The following PELI2 variants were observed in gnomAD, a reference collection of about 807,000 sequenced individuals.
PELI2 encodes the protein E3 ubiquitin-protein ligase pellino homolog 2.
PELI2 carries 23 observed loss-of-function variants against 42.3 expected under a neutral mutation model. That is an observed-to-expected ratio of 0.54 (90% confidence interval 0.39 to 0.77). PELI2 has a LOEUF of 0.77. Among genes scored for constraint, PELI2 ranks in the 30% least tolerant of loss-of-function variants. PELI2 has a pLI of 0.00. For missense variants in PELI2, 463 were observed against 553.2 expected, an observed-to-expected ratio of 0.84 and a Z score of 1.64; for synonymous variants, 245 against 212.2, an observed-to-expected ratio of 1.15 and a Z score of -1.34.
intron 2 of PELI2, among the ~76,000 whole-genome samples, chr14:56,248,564 A>C (rs1019848291): frequency 6.6e-6 from 1 of 152,026 alleles, no homozygotes; most frequent in Admixed American, 6.6e-5. Flanking sequence ...ACAGGAGAAC[A>C]TGGAGGGTTG....
At chr14:56,246,693 T>C (rs1376816409) in intron 2 of PELI2, among the ~76,000 whole-genome samples, 4 of 152,188 alleles carry the variant, frequency 2.6e-5, no homozygotes, top group Admixed American at 6.5e-5. Context: ...ACTTTGCAAA[T>C]AGTTTTGATT....
rs915166107 is a variant in PELI2, at chr14:56,299,954, C to T, written c.*2788C>T. ...TACAACTCTGAGTATTTTTCTAGTCCGGAATTTTTTATTAATAATCGGTGC... is the reference window on the plus strand; with the variant it reads ...TACAACTCTGAGTATTTTTCTAGTCTGGAATTTTTTATTAATAATCGGTGC... On this transcript the variant is annotated 3_prime_UTR_variant, in exon 6 of 6. Transcript: ENST00000267460. 5.2e-5 allele frequency: 8 copies of T among 152,416 alleles called. No homozygotes were observed. Among genetic ancestry groups the T allele is most frequent in the East Asian group, 3.9e-4 (2 of 5,182 alleles). The allele number at this position is 152,416 out of a possible 1,614,324, so 9.4% of individuals were successfully genotyped here.
At chr14:56,122,611 T>A (rs1566592199) in intron 1 of PELI2, among the ~76,000 whole-genome samples, 1 of 150,342 alleles carries the variant, frequency 6.7e-6, no homozygotes, top group East Asian at 2.0e-4. Flanking sequence ...TTTTTTTTTC[T>A]TTTGATGCTT....
intron 2 of PELI2, 65 bp downstream of exon 2, chr14:56,178,529 C>T (rs559725694): frequency 4.4e-5 from 68 of 1,545,662 alleles, no homozygotes; most frequent in Middle Eastern, 1.9e-4. Flanking sequence ...ACTCCTTGTC[C>T]GCTGCTCTCT....
chr14:56,135,036 T>A (rs926432103), intron 1 of PELI2, among the ~76,000 whole-genome samples: 1 of 152,208 alleles, frequency 6.6e-6, no homozygotes, highest in African/African-American at 2.4e-5. Flanking sequence ...GTAATATTTT[T>A]AAAAATTACG....
chr14:56,255,749 C>T (rs1282765761), intron 2 of PELI2, among the ~76,000 whole-genome samples: 1 of 152,146 alleles, frequency 6.6e-6, no homozygotes, highest in Non-Finnish European at 1.5e-5. Context: ...TCAGGTGTGT[C>T]ATTTACATAA....
rs116422266 is a variant in PELI2, at chr14:56,151,711, A to G, written c.78-26624A>G. ...AGTTATTATATGTAAAGTGCTTAGA[A>G]CAGTATCAAGTAAGCATTTAGTAAG... is the stretch of plus-strand genomic sequence containing the variant. On this transcript the variant is annotated intron_variant, in intron 1 of 5. Transcript: ENST00000267460. 3.1e-3 allele frequency among the ~76,000 whole-genome samples: 472 copies of G among 152,358 alleles called. 1 individual carries two copies. The highest frequency in any genetic ancestry group is 0.011 in the African/African-American group (447 of 41,580).
At chr14:56,148,332 C>A (rs1884210224) in intron 1 of PELI2, among the ~76,000 whole-genome samples, 1 of 152,106 alleles carries the variant, frequency 6.6e-6, no homozygotes, top group Admixed American at 6.6e-5. Flanking sequence ...AGATGTGACC[C>A]TGTTAAGATT....
chr14:56,183,420 A>C (rs773274846), intron 2 of PELI2, among the ~76,000 whole-genome samples: 31 of 152,158 alleles, frequency 2.0e-4, no homozygotes, highest in Non-Finnish European at 3.7e-4. Context: ...TTTATCTGAG[A>C]GTTTTGACAA....
intron 2 of PELI2, among the ~76,000 whole-genome samples, chr14:56,236,863 T>C (rs567236806): frequency 6.6e-6 from 1 of 152,196 alleles, no homozygotes; most frequent in African/African-American, 2.4e-5. Context: ...GATCTCTCCC[T>C]GTTCTATTTG....
intron 2 of PELI2, among the ~76,000 whole-genome samples, chr14:56,184,198 C>G (rs1252736488): frequency 6.6e-6 from 1 of 151,878 alleles, no homozygotes; most frequent in Non-Finnish European, 1.5e-5. Context: ...CAGTTTGGCT[C>G]TATTACATGA....
In PELI2 at chr14:56,118,676, C is replaced by T; in HGVS notation, c.16C>T (p.Gln6Ter). Residue 6 changes from glutamine (Q) to a stop codon, truncating the protein, a stop_gained, in exon 1 of 6, where the codon CAG (glutamine) becomes TAG (stop). Transcript: ENST00000267460. LOFTEE classifies it high-confidence loss of function. MFSPG[Q>*]EEHCAPNKEP... is the part of the protein sequence containing the mutation. ...GCGGGGCTCCATGTTTTCCCCTGGC[C>T]AGGAGGAACACTGCGCCCCCAATAA... 1 of 1,500,414 alleles carries T rather than the reference C, an allele frequency of 6.7e-7. No individual in the cohort carries two copies. Among genetic ancestry groups the T allele is most frequent in the South Asian group, 1.3e-5 (1 of 79,826 alleles). 92.9% of individuals were successfully genotyped at this position (1,500,414 alleles called of 1,614,324 possible). A position where few individuals can be genotyped will look rare whatever the true frequency, so the allele number is the denominator to read the frequency against.
chr14:56,126,144 G>T (rs1172670893), intron 1 of PELI2, among the ~76,000 whole-genome samples: 2 of 152,198 alleles, frequency 1.3e-5, no homozygotes. Flanking sequence ...GTCACCTGCA[G>T]AAAGTCCTGC....
chr14:56,139,488 C>T (rs556346766), intron 1 of PELI2, among the ~76,000 whole-genome samples: 5 of 152,134 alleles, frequency 3.3e-5, no homozygotes, highest in East Asian at 1.9e-4. Context: ...TTCTTTCCCC[C>T]GTTTGTTGCT....
chr14:56,224,100 G>A lies in PELI2; in HGVS notation c.207+45636G>A, dbSNP rs547640888. ...GAAAAGAAAGGAGACCGATGAATGT[G>A]TATATATACTTTTAAAAGCTCTGGT... is the stretch of plus-strand genomic sequence containing the variant. On this transcript the variant is annotated intron_variant, in intron 2 of 5. Coordinates refer to ENST00000267460, the MANE Select transcript of PELI2 (RefSeq NM_021255.3). Among the ~76,000 whole-genome samples the A allele has an allele frequency of 2.6e-5, 4 of 152,318 alleles. No individual in the cohort carries two copies. In the South Asian group the frequency reaches 8.3e-4, roughly 32 times the overall value.
At chr14:56,122,403 C>T (rs745369190) in intron 1 of PELI2, among the ~76,000 whole-genome samples, 1 of 152,088 alleles carries the variant, frequency 6.6e-6, no homozygotes, top group Non-Finnish European at 1.5e-5. Flanking sequence ...GGCTGTACTC[C>T]CCTACTCTAC....
At position 56,298,385 on chromosome 14, in the gene PELI2, GT is replaced by G. The variant is rs1039673124; in HGVS notation, c.*1221del. ...ATTTCATAGGAGCTCCACCATTCCT[GT>G]TACTTTCATTTCATTTTGATTAATA... On this transcript the variant is annotated 3_prime_UTR_variant, in exon 6 of 6. Coordinates refer to ENST00000267460, the MANE Select transcript of PELI2 (RefSeq NM_021255.3). The G allele has an allele frequency of 1.4e-4, 21 of 152,526 alleles. No individual in the cohort carries two copies. The highest frequency in any genetic ancestry group is 5.9e-4 in the Admixed American group (9 of 15,290). The allele number at this position is 152,526 out of a possible 1,614,324, so 9.4% of individuals were successfully genotyped here.
chr14:56,218,942 TG>T (rs1338750983), intron 2 of PELI2, among the ~76,000 whole-genome samples: 1 of 152,204 alleles, frequency 6.6e-6, no homozygotes, highest in East Asian at 1.9e-4. Flanking sequence ...CATGTAATGC[TG>T]TGCACATATT....
chr14:56,119,912 A>T, intron 1 of PELI2: 3 of 883,140 alleles, frequency 3.4e-6, no homozygotes, highest in Non-Finnish European at 4.1e-6. Flanking sequence ...AGACTCAGGG[A>T]ACTTTGCAAA....
Sources: gnomAD v4.1 joint callset for allele counts (sites outside exome capture counted in the v4.1 genomes callset) on GRCh38, gnomAD v4.1.1 for gene constraint, MANE v1.5 for transcripts, NCBI Gene and HGNC (gene_info 2026-07-23, HGNC 2026-07-21) for gene names.